The following ARHGAP26 variants were observed in gnomAD, a reference collection of about 807,000 sequenced individuals.
ARHGAP26 encodes rho GTPase-activating protein 26.
A neutral mutation model predicts 104.8 loss-of-function variants in ARHGAP26; 38 were observed. The ratio of observed to expected loss-of-function variants is 0.36; its 90% CI spans 0.28 to 0.48. The LOEUF (loss-of-function observed/expected upper bound fraction) is 0.48, where lower values mean the gene tolerates loss of function less well. Ranked by LOEUF, ARHGAP26 falls within the 20% of genes least tolerant of loss-of-function variation. The probability of loss-of-function intolerance (pLI) is 0.99; values close to 1 mark genes in which losing one functional copy is unlikely to be tolerated. For synonymous variants in ARHGAP26, 341 were observed against 340.0 expected (o/e 1.00, Z -0.03); for missense variants, 704 against 947.9 (o/e 0.74, Z 3.38).
intron 18 of ARHGAP26, among the ~76,000 whole-genome samples, chr5:143,122,886 C>G (rs1256992972): frequency 6.6e-6 from 1 of 152,198 alleles, no homozygotes; most frequent in Non-Finnish European, 1.5e-5. Flanking sequence ...GGCAGGAGCT[C>G]AGTCCAAACC....
chr5:142,779,803 T>C (rs1757133006), intron 1 of ARHGAP26, among the ~76,000 whole-genome samples: 1 of 152,222 alleles, frequency 6.6e-6, no homozygotes, highest in African/African-American at 2.4e-5. Context: ...GACCAAAGCC[T>C]TAGCAAATTC....
chr5:142,948,046 T>A (rs1002876718), intron 11 of ARHGAP26, among the ~76,000 whole-genome samples: 1 of 152,140 alleles, frequency 6.6e-6, no homozygotes, highest in Non-Finnish European at 1.5e-5. Flanking sequence ...CAAAACATTT[T>A]TTTTTGAATG....
chr5:142,957,184 T>C (rs976332041), intron 11 of ARHGAP26, among the ~76,000 whole-genome samples: 3 of 152,204 alleles, frequency 2.0e-5, no homozygotes, highest in Admixed American at 6.5e-5. Context: ...TGGGGAAAAT[T>C]GATGAGGCTC....
intron 20 of ARHGAP26, among the ~76,000 whole-genome samples, chr5:143,177,987 CTTTTTTTTTT>C (rs397705462): frequency 5.1e-5 from 3 of 58,294 alleles, no homozygotes; most frequent in East Asian, 7.8e-4. Flanking sequence ...TGTGGCAGTC[CTTTTTTTTTT>C]TTTTTTTTTT....
chr5:142,859,032 C>A, intron 1 of ARHGAP26, among the ~76,000 whole-genome samples: 1 of 152,068 alleles, frequency 6.6e-6, no homozygotes, highest in East Asian at 1.9e-4. Flanking sequence ...GTGGGGTGTG[C>A]AGACGAGGTA....
At chr5:142,976,735 G>C (rs527366773) in intron 11 of ARHGAP26, among the ~76,000 whole-genome samples, 2 of 152,324 alleles carry the variant, frequency 1.3e-5, no homozygotes, top group South Asian at 4.1e-4. Flanking sequence ...CTGGTTCCCT[G>C]TAGGTGGAAT....
chr5:142,991,860 G>A (rs1231701002), intron 11 of ARHGAP26, among the ~76,000 whole-genome samples: 1 of 152,152 alleles, frequency 6.6e-6, no homozygotes, highest in East Asian at 1.9e-4. Flanking sequence ...ACATATCCCT[G>A]TCATTAAGTG....
chr5:142,940,256 C>T (rs1393413781), intron 11 of ARHGAP26, among the ~76,000 whole-genome samples: 1 of 152,114 alleles, frequency 6.6e-6, no homozygotes, highest in Non-Finnish European at 1.5e-5. Context: ...ATGGGGTGAG[C>T]TTGCTAGGCT....
intron 1 of ARHGAP26, among the ~76,000 whole-genome samples, chr5:142,822,205 T>G (rs541140170): frequency 1.3e-5 from 2 of 151,214 alleles, no homozygotes; most frequent in African/African-American, 4.9e-5. Context: ...ACTAACTGTT[T>G]GATGAATCAT....
At chr5:142,926,211 G>C (rs1763877746) in intron 10 of ARHGAP26, among the ~76,000 whole-genome samples, 1 of 152,158 alleles carries the variant, frequency 6.6e-6, no homozygotes, top group Non-Finnish European at 1.5e-5. Flanking sequence ...GGTTGGAGGA[G>C]ATATGGTGTT....
At chr5:142,936,669 A>G in intron 11 of ARHGAP26, among the ~76,000 whole-genome samples, 1 of 152,204 alleles carries the variant, frequency 6.6e-6, no homozygotes, top group East Asian at 1.9e-4. Context: ...TGACAGAGGG[A>G]TAGACACGTA....
chr5:142,898,394 G>T (rs1196526885), intron 6 of ARHGAP26, among the ~76,000 whole-genome samples: 1 of 152,120 alleles, frequency 6.6e-6, no homozygotes, highest in Admixed American at 6.5e-5. Context: ...ATTGAAGGTT[G>T]GCTAGTGCCC....
intron 11 of ARHGAP26, among the ~76,000 whole-genome samples, chr5:142,944,308 C>A (rs1247731420): frequency 1.3e-5 from 2 of 152,154 alleles, no homozygotes; most frequent in Non-Finnish European, 2.9e-5. Context: ...TTGTTTTCAG[C>A]TTTTGATGAC....
At chr5:142,903,774 A>G in intron 8 of ARHGAP26, 105 bp downstream of exon 8, 1 of 1,191,918 alleles carries the variant, frequency 8.4e-7, no homozygotes, top group Non-Finnish European at 1.1e-6. Flanking sequence ...ACATGCTTGG[A>G]TAACAAGAAC....
intron 22 of ARHGAP26, among the ~76,000 whole-genome samples, chr5:143,220,470 G>A (rs1274510743): frequency 1.3e-5 from 2 of 152,368 alleles, no homozygotes; most frequent in Non-Finnish European, 2.9e-5. Context: ...GTAAAGGGAA[G>A]AGGGTCTTGT....
chr5:142,826,837 A>G (rs1373499886), intron 1 of ARHGAP26, among the ~76,000 whole-genome samples: 1 of 152,194 alleles, frequency 6.6e-6, no homozygotes, highest in Non-Finnish European at 1.5e-5. Flanking sequence ...TAAATACTTG[A>G]TAAAAACCTG....
At chr5:143,053,569 A>C (rs907908591) in intron 14 of ARHGAP26, among the ~76,000 whole-genome samples, 1 of 152,224 alleles carries the variant, frequency 6.6e-6, no homozygotes, top group Non-Finnish European at 1.5e-5. Context: ...TGTGCTACTC[A>C]GGAAGATTAT....
chr5:142,803,297 C>G (rs1454233109), intron 1 of ARHGAP26, among the ~76,000 whole-genome samples: 1 of 152,068 alleles, frequency 6.6e-6, no homozygotes, highest in Non-Finnish European at 1.5e-5. Context: ...TTAAATTTAA[C>G]TAGTTGTTCT....
At chr5:142,846,603 G>A (rs1772002721) in intron 1 of ARHGAP26, among the ~76,000 whole-genome samples, 1 of 152,154 alleles carries the variant, frequency 6.6e-6, no homozygotes, top group Admixed American at 6.5e-5. Context: ...CTCCTCTGCT[G>A]TGACCACCCC....
Sources: gnomAD v4.1 joint callset for allele counts (sites outside exome capture counted in the v4.1 genomes callset) on GRCh38, gnomAD v4.1.1 for gene constraint, MANE v1.5 for transcripts, NCBI Gene and HGNC (gene_info 2026-07-23, HGNC 2026-07-21) for gene names.